The following OTUB2 variants were observed in gnomAD, a reference collection of about 807,000 sequenced individuals.
OTUB2 encodes the protein OTU deubiquitinase, ubiquitin aldehyde binding 2, also known as ubiquitin thioesterase OTUB2.
OTUB2 carries 21 observed loss-of-function variants against 25.1 expected under a neutral mutation model. The observed-to-expected ratio is 0.84, with a 90% CI of 0.59 to 1.21. The LOEUF is 1.21. OTUB2 is among the 50% of genes most tolerant of loss of function. The pLI, the probability that OTUB2 is intolerant of heterozygous loss-of-function variation, is 0.00. For synonymous variants in OTUB2, 122 were observed against 122.8 expected, an observed-to-expected ratio of 0.99 and a Z score of 0.04; for missense variants, 283 against 298.0, an observed-to-expected ratio of 0.95 and a Z score of 0.37.
chr14:94,039,920 C>T lies in OTUB2; in HGVS notation c.218+839C>T, dbSNP rs548579268. ...AGTGGGTCCCAGAGCACTTCTTTGGCTGAGGCAGGTTTCTCAACGGCGGCA... is the reference window on the plus strand; with the variant it reads ...AGTGGGTCCCAGAGCACTTCTTTGGTTGAGGCAGGTTTCTCAACGGCGGCA... On this transcript the variant is annotated intron_variant, in intron 3 of 5. Coordinates refer to ENST00000203664, the MANE Select transcript of OTUB2 (RefSeq NM_023112.4). Among the ~76,000 whole-genome samples, 5 of 152,104 alleles carry T rather than the reference C, an allele frequency of 3.3e-5. 1 individual carries two copies. Among genetic ancestry groups the T allele is most frequent in the East Asian group, 3.9e-4 (2 of 5,176 alleles).
At chr14:94,042,027 A>C (rs1239086624) in intron 3 of OTUB2, among the ~76,000 whole-genome samples, 1 of 152,250 alleles carries the variant, frequency 6.6e-6, no homozygotes, top group Non-Finnish European at 1.5e-5. Context: ...CCACCCAGGC[A>C]GACACTTGTT....
At chr14:94,035,286 C>CTTTTTTT (rs761154708) in intron 1 of OTUB2, among the ~76,000 whole-genome samples, 59 of 104,038 alleles carry the variant, frequency 5.7e-4, no homozygotes, top group African/African-American at 1.0e-3. Context: ...TTTTTCTTTT[C>CTTTTTTT]TTTTTTTTTT....
intron 2 of OTUB2, among the ~76,000 whole-genome samples, chr14:94,038,211 G>A (rs1378988724): frequency 6.6e-6 from 1 of 152,258 alleles, no homozygotes; most frequent in Non-Finnish European, 1.5e-5. Flanking sequence ...GCCAGGGGTA[G>A]TGGTGTGGGC....
chr14:94,047,422 T>C lies in OTUB2; in HGVS notation c.*1500T>C, dbSNP rs1323776227. 6.6e-6 allele frequency: 1 copy of C among 152,206 alleles called. No homozygotes were observed. Among genetic ancestry groups the C allele is most frequent in the Non-Finnish European group, 1.5e-5 (1 of 68,030 alleles). The allele number at this position is 152,206 out of a possible 1,614,324, so 9.4% of individuals were successfully genotyped here. A position where few individuals can be genotyped will look rare whatever the true frequency, so the allele number is the denominator to read the frequency against. On this transcript the variant is annotated 3_prime_UTR_variant, in exon 6 of 6. Coordinates refer to ENST00000203664, the MANE Select transcript of OTUB2 (RefSeq NM_023112.4). ...TTTAGTTCCAAGCAGGGACCCTGGT[T>C]TCCATACTGCCCTCAGCTGGAGTTT...
chr14:94,032,794 G>A (rs1472817404), intron 1 of OTUB2, among the ~76,000 whole-genome samples: 2 of 152,224 alleles, frequency 1.3e-5, no homozygotes, highest in Admixed American at 6.5e-5. Context: ...AATGGAAATA[G>A]GGATCAGGGA....
At position 94,037,444 on chromosome 14, in the gene OTUB2, C is replaced by T. The variant is rs1316208630; in HGVS notation, c.68C>T (p.Pro23Leu). The T allele has an allele frequency of 6.2e-7, 1 of 1,605,678 alleles. No homozygotes were observed. ...CDILSILRDH[P>L]ENRIYRRKIE... Reference sequence around the variant, plus strand: ...ATTCTATCCATTCTTCGGGACCATCCTGAAAACAGGATTTACCGGAGGAAA... The same window carrying T: ...ATTCTATCCATTCTTCGGGACCATCTTGAAAACAGGATTTACCGGAGGAAA... The change falls in exon 2 of 6, where the codon CCT (proline) becomes CTT (leucine). Residue 23 changes from proline to leucine, a missense_variant. By Grantham distance (98) the Pro-to-Leu change is moderately conservative (BLOSUM62 -3). Transcript: ENST00000203664.
At chr14:94,030,231 G>T (rs1007686731) in intron 1 of OTUB2, among the ~76,000 whole-genome samples, 3 of 152,054 alleles carry the variant, frequency 2.0e-5, no homozygotes, top group South Asian at 2.1e-4. Flanking sequence ...CAGCCTCCCT[G>T]GGGGGAGATG....
At chr14:94,045,295 C>A (rs139405530) in intron 5 of OTUB2, among the ~76,000 whole-genome samples, 1 of 152,084 alleles carries the variant, frequency 6.6e-6, no homozygotes, top group Non-Finnish European at 1.5e-5. Flanking sequence ...CTGCAGCACC[C>A]GGACTCGCAC....
chr14:94,039,273 T>G, intron 3 of OTUB2, 192 bp downstream of exon 3: 1 of 597,476 alleles, frequency 1.7e-6, no homozygotes, highest in Non-Finnish European at 3.0e-6. Context: ...AGCCAAGGGG[T>G]GGAGGATGGA....
intron 1 of OTUB2, among the ~76,000 whole-genome samples, chr14:94,030,344 C>CG (rs917842323): frequency 6.1e-5 from 8 of 130,302 alleles, no homozygotes; most frequent in Non-Finnish European, 1.3e-4. Context: ...AGAAGCCTGT[C>CG]GGGGGTGGGG....
rs777475386 is a variant in OTUB2 at position 94,044,702 on chromosome 14, G to A, written c.420G>A (p.Ser140=). The change falls in exon 5 of 6, where the codon TCG becomes TCA. Residue 140 remains serine (S), a synonymous_variant. Transcript: ENST00000203664. The stretch of plus-strand genomic sequence containing the variant: ...TGCAGTTCCTGCGCCTGCTCACGTC[G>A]GCCTTCATCAGGAACCGAGCAGACT... The part of the protein sequence containing the change: ...HIVQFLRLLT[S]AFIRNRADFF... 9 of 1,613,918 alleles carry A rather than the reference G, an allele frequency of 5.6e-6. No individual in the cohort carries two copies. The highest frequency in any genetic ancestry group is 1.6e-4 in the Middle Eastern group (1 of 6,084).
At chr14:94,027,524 A>C (rs1884887915) in intron 1 of OTUB2, among the ~76,000 whole-genome samples, 1 of 152,228 alleles carries the variant, frequency 6.6e-6, no homozygotes, top group Non-Finnish European at 1.5e-5. Flanking sequence ...TCTCCCCCTC[A>C]GCACCGTTTT....
chr14:94,037,086 G>A (rs369096798), intron 1 of OTUB2, among the ~76,000 whole-genome samples: 219 of 152,290 alleles, frequency 1.4e-3, no homozygotes, highest in African/African-American at 5.0e-3. Flanking sequence ...ATGAAGGTTC[G>A]TTAAGTTTGA....
Position 94,046,052 on chromosome 14 carries a change from C to A in OTUB2, c.*130C>A, listed in dbSNP as rs937619663. 1 of 1,061,250 alleles carries A rather than the reference C, an allele frequency of 9.4e-7. No individual in the cohort carries two copies. The allele number at this position is 1,061,250 out of a possible 1,614,324, so 65.7% of individuals were successfully genotyped here. A position where few individuals can be genotyped will look rare whatever the true frequency, so the allele number is the denominator to read the frequency against. On this transcript the variant is annotated 3_prime_UTR_variant, in exon 6 of 6. Coordinates refer to ENST00000203664, the MANE Select transcript of OTUB2 (RefSeq NM_023112.4). ...AATGTGCAGCCTTTTGGGCAAAGCC[C>A]CTGGGAACGAGGCCTATCCACTATG...
chr14:94,044,707 T>A lies in OTUB2; in HGVS notation c.425T>A (p.Phe142Tyr), dbSNP rs746697350. The change falls in exon 5 of 6, where the codon TTC becomes TAC. Residue 142 changes from phenylalanine (F) to tyrosine (Y), a missense_variant. By Grantham distance (22) the Phe-to-Tyr change is conservative (BLOSUM62 3). Coordinates refer to ENST00000203664, the MANE Select transcript of OTUB2 (RefSeq NM_023112.4). ...VQFLRLLTSAFIRNRADFFRH... is the reference protein window; with the variant it reads ...VQFLRLLTSAYIRNRADFFRH... ...TTCCTGCGCCTGCTCACGTCGGCCT[T>A]CATCAGGAACCGAGCAGACTTCTTC... is the stretch of plus-strand genomic sequence containing the variant. The A allele has an allele frequency of 1.2e-6, 2 of 1,614,110 alleles. No individual in the cohort carries two copies. Among genetic ancestry groups the A allele is most frequent in the Non-Finnish European group, 1.7e-6 (2 of 1,180,040 alleles).
At chr14:94,026,964 T>C (rs1286658738) in intron 1 of OTUB2, among the ~76,000 whole-genome samples, 1 of 152,194 alleles carries the variant, frequency 6.6e-6, no homozygotes, top group Non-Finnish European at 1.5e-5. Context: ...AAAGACCTCC[T>C]GGCCCCTGCC....
chr14:94,039,115 G>GT, intron 3 of OTUB2, 34 bp downstream of exon 3: 1 of 1,516,262 alleles, frequency 6.6e-7, no homozygotes, highest in Non-Finnish European at 9.1e-7. Context: ...TGTCAGGGCT[G>GT]TGTTCTCTGT....
chr14:94,045,898 C>A lies in OTUB2; in HGVS notation c.681C>A (p.Ile227=), dbSNP rs773147689. ...TCTATAAAACATCCCACTACAACAT[C>A]CTTTATGCAGCCGATAAACATTGAT... ...YLLYKTSHYN[I]LYAADKH The change falls in exon 6 of 6, where the codon ATC becomes ATA. Residue 227 remains isoleucine (I), a synonymous_variant. Coordinates refer to ENST00000203664, the MANE Select transcript of OTUB2 (RefSeq NM_023112.4). 3.7e-6 allele frequency: 6 copies of A among 1,614,114 alleles called. No individual in the cohort carries two copies.
Position 94,045,722 on chromosome 14 carries a change from G to A in OTUB2, c.505G>A (p.Glu169Lys), listed in dbSNP as rs372310731. ...DIKDFCTHEV[E>K]PMATECDHIQ... ...TTCATTTTGGCCCCTGCAGGAAGTAGAGCCCATGGCCACGGAGTGTGACCA... is the reference window on the plus strand; with the variant it reads ...TTCATTTTGGCCCCTGCAGGAAGTAAAGCCCATGGCCACGGAGTGTGACCA... Residue 169 changes from glutamate (E) to lysine (K), a missense_variant, in exon 6 of 6, where the codon GAG (glutamate) becomes AAG (lysine). Glu to Lys is a moderately conservative substitution (Grantham distance 56, BLOSUM62 1). Coordinates refer to ENST00000203664, the MANE Select transcript of OTUB2 (RefSeq NM_023112.4). The A allele has an allele frequency of 1.9e-6, 3 of 1,613,950 alleles. No individual in the cohort carries two copies. The highest frequency in any genetic ancestry group is 2.5e-6 in the Non-Finnish European group (3 of 1,179,972).
Sources: gnomAD v4.1 joint callset for allele counts (sites outside exome capture counted in the v4.1 genomes callset) on GRCh38, gnomAD v4.1.1 for gene constraint, MANE v1.5 for transcripts, NCBI Gene and HGNC (gene_info 2026-07-23, HGNC 2026-07-21) for gene names.